Variants in GRID1 observed in about 807,000 individuals in gnomAD.
GRID1 encodes glutamate receptor ionotropic, delta-1.
A neutral mutation model predicts 98.0 loss-of-function variants in GRID1; 28 were observed. The observed-to-expected ratio is 0.29, with a 90% CI of 0.21 to 0.39. The LOEUF is 0.39. GRID1 is among the 10% of genes least tolerant of loss of function. GRID1 has a pLI of 1.00. For missense variants in GRID1, 1,111 were observed against 1,340.5 expected, an observed-to-expected ratio of 0.83 and a Z score of 2.67; for synonymous variants, 553 against 538.5, an observed-to-expected ratio of 1.03 and a Z score of -0.37.
chr10:85,753,483 C>T (rs1412217687), intron 8 of GRID1, among the ~76,000 whole-genome samples: 1 of 152,148 alleles, frequency 6.6e-6, no homozygotes, highest in African/African-American at 2.4e-5. Flanking sequence ...GCCAAACATG[C>T]CCACTCCCTG....
chr10:85,613,111 G>A, intron 15 of GRID1: 2 of 409,636 alleles, frequency 4.9e-6, no homozygotes, highest in Admixed American at 8.3e-5. Context: ...GCAGGGTAGG[G>A]AAGGGCTCTC....
At chr10:86,358,396 G>A (rs1459195617) in intron 2 of GRID1, among the ~76,000 whole-genome samples, 1 of 152,152 alleles carries the variant, frequency 6.6e-6, no homozygotes, top group Non-Finnish European at 1.5e-5. Context: ...CTAATCCCCA[G>A]ATCTGTGAAT....
chr10:86,024,082 T>G (rs1843084724), intron 4 of GRID1, among the ~76,000 whole-genome samples: 1 of 152,044 alleles, frequency 6.6e-6, no homozygotes, highest in Admixed American at 6.5e-5. Flanking sequence ...TTGCTGAGGA[T>G]GGAATAAGAG....
intron 2 of GRID1, among the ~76,000 whole-genome samples, chr10:86,218,581 G>C (rs1397401099): frequency 1.3e-5 from 2 of 152,222 alleles, no homozygotes; most frequent in Admixed American, 1.3e-4. Flanking sequence ...AGGGTCTGGA[G>C]GCTATGCTGT....
chr10:86,244,984 C>T (rs1301458082), intron 2 of GRID1, among the ~76,000 whole-genome samples: 1 of 152,226 alleles, frequency 6.6e-6, no homozygotes, highest in African/African-American at 2.4e-5. Flanking sequence ...AAAGGAGCAC[C>T]AGGGCCCAAA....
Position 86,364,201 on chromosome 10 carries a change from G to A in GRID1, c.80-105C>T, listed in dbSNP as rs1007042353. ...CGCAGACCGATGATTGCCGGGTGGT[G>A]GGAAGTCTGAACTGGGATTTCAGCT... On this transcript the variant is annotated intron_variant, in intron 1 of 15. Transcript: ENST00000327946. The A allele has an allele frequency of 5.5e-6, 5 of 911,548 alleles. No individual in the cohort carries two copies. The African/African-American group carries it at 6.6e-5, about 12-fold the overall frequency. The allele number at this position is 911,548 out of a possible 1,614,324, so 56.5% of individuals were successfully genotyped here.
intron 4 of GRID1, among the ~76,000 whole-genome samples, chr10:85,921,294 T>C (rs569118719): frequency 9.2e-5 from 14 of 152,332 alleles, no homozygotes; most frequent in South Asian, 2.1e-4. Flanking sequence ...TGTGCTGTTA[T>C]AGGCAAACTC....
chr10:86,348,952 G>GC (rs1848427189), intron 2 of GRID1, among the ~76,000 whole-genome samples: 1 of 152,252 alleles, frequency 6.6e-6, no homozygotes, highest in Non-Finnish European at 1.5e-5. Context: ...AGCCCTTCTA[G>GC]CCCCTGCTCA....
chr10:85,971,215 G>A (rs187663501), intron 4 of GRID1, among the ~76,000 whole-genome samples: 31 of 152,006 alleles, frequency 2.0e-4, no homozygotes, highest in African/African-American at 6.3e-4. Flanking sequence ...AATGTAAAAG[G>A]TAAAATAAAA....
chr10:86,053,571 A>G (rs1434960454), intron 4 of GRID1, among the ~76,000 whole-genome samples: 1 of 151,840 alleles, frequency 6.6e-6, no homozygotes, highest in African/African-American at 2.4e-5. Flanking sequence ...CGTGTTGGCC[A>G]GGCTGGTCTC....
chr10:86,131,259 C>T (rs1321417640), intron 4 of GRID1, among the ~76,000 whole-genome samples: 1 of 152,142 alleles, frequency 6.6e-6, no homozygotes, highest in Non-Finnish European at 1.5e-5. Flanking sequence ...CAGGCTGACT[C>T]ACCTCAGGCT....
chr10:86,295,703 T>C (rs1847579187), intron 2 of GRID1, among the ~76,000 whole-genome samples: 1 of 152,212 alleles, frequency 6.6e-6, no homozygotes, highest in African/African-American at 2.4e-5. Flanking sequence ...GTTGGGGTTT[T>C]GCCCAGTGCT....
intron 12 of GRID1, among the ~76,000 whole-genome samples, chr10:85,678,377 G>A (rs1382653170): frequency 1.3e-5 from 2 of 152,166 alleles, no homozygotes; most frequent in African/African-American, 4.8e-5. Context: ...CTCTTTCAAA[G>A]ACACATTCAA....
At chr10:86,224,595 C>A (rs1257612016) in intron 2 of GRID1, among the ~76,000 whole-genome samples, 1 of 152,194 alleles carries the variant, frequency 6.6e-6, no homozygotes, top group African/African-American at 2.4e-5. Flanking sequence ...GCCCAGATGG[C>A]AGCTGTCCTG....
intron 8 of GRID1, among the ~76,000 whole-genome samples, chr10:85,732,930 A>G (rs1841841620): frequency 6.6e-6 from 1 of 152,036 alleles, no homozygotes; most frequent in Admixed American, 6.6e-5. Flanking sequence ...CCCTCCTGAT[A>G]TTTGTATCTA....
At chr10:86,260,511 C>A (rs1216558647) in intron 2 of GRID1, among the ~76,000 whole-genome samples, 2 of 152,210 alleles carry the variant, frequency 1.3e-5, no homozygotes, top group Non-Finnish European at 2.9e-5. Flanking sequence ...TCTAATGGGA[C>A]CTTCAGGAGC....
intron 2 of GRID1, among the ~76,000 whole-genome samples, chr10:86,354,428 C>G (rs1042563898): frequency 6.6e-6 from 1 of 152,206 alleles, no homozygotes; most frequent in African/African-American, 2.4e-5. Flanking sequence ...GGCACCCACG[C>G]CCTCAATGGG....
At chr10:86,194,595 T>C (rs1219221464) in intron 3 of GRID1, among the ~76,000 whole-genome samples, 4 of 152,130 alleles carry the variant, frequency 2.6e-5, no homozygotes, top group African/African-American at 9.6e-5. Context: ...TATGTTGTTT[T>C]AATTTTTTCA....
chr10:86,271,436 A>T lies in GRID1; in HGVS notation c.236-64788T>A, dbSNP rs78295346. 5.3e-3 allele frequency among the ~76,000 whole-genome samples: 806 copies of T among 152,350 alleles called. 8 individuals carry two copies. Among genetic ancestry groups the T allele is most frequent in the African/African-American group, 0.019 (783 of 41,580 alleles). On this transcript the variant is annotated intron_variant, in intron 2 of 15. Transcript: ENST00000327946. ...AGAGAAGCAGGAAAAAAATTTACCCATGTGAAGAAAAAAATCAATCGATCA... is the reference window on the plus strand; with the variant it reads ...AGAGAAGCAGGAAAAAAATTTACCCTTGTGAAGAAAAAAATCAATCGATCA...
Sources: allele counts gnomAD v4.1 joint callset (sites outside exome capture counted in the v4.1 genomes callset), GRCh38; gene constraint gnomAD v4.1.1; transcripts MANE v1.5; gene names NCBI Gene and HGNC (gene_info 2026-07-23, HGNC 2026-07-21).